The following ST6GAL2 variants were observed in gnomAD, a reference collection of about 807,000 sequenced individuals.
ST6GAL2 encodes ST6 beta-galactoside alpha-2,6-sialyltransferase 2.
In ST6GAL2, 24 loss-of-function variants were observed where a neutral mutation model predicts 37.5. The ratio of observed to expected loss-of-function variants is 0.64; its 90% confidence interval spans 0.46 to 0.90. The LOEUF (loss-of-function observed/expected upper bound fraction) is 0.90. Ranked by LOEUF, ST6GAL2 falls within the 40% of genes least tolerant of loss-of-function variation. The pLI is 0.00. For missense variants in ST6GAL2, 715 were observed against 712.7 expected (o/e 1.00, Z -0.04); for synonymous variants, 306 against 295.1 (o/e 1.04, Z -0.38).
chr2:106,836,269 T>C (rs1196210591), intron 2 of ST6GAL2, among the ~76,000 whole-genome samples: 5 of 152,182 alleles, frequency 3.3e-5, no homozygotes, highest in African/African-American at 1.2e-4. Flanking sequence ...TGTTGCAATA[T>C]GTTGTTTTAT....
At chr2:106,880,516 C>T (rs1678704854) in intron 1 of ST6GAL2, among the ~76,000 whole-genome samples, 1 of 152,224 alleles carries the variant, frequency 6.6e-6, no homozygotes, top group Admixed American at 6.5e-5. Flanking sequence ...AGTAGAGGTT[C>T]TTGCATGTTG....
In ST6GAL2 at chr2:106,806,624, A is replaced by G; in HGVS notation, c.*54T>C. 1 of 1,558,580 alleles carries G rather than the reference A, an allele frequency of 6.4e-7. No individual in the cohort carries two copies. The highest frequency in any genetic ancestry group is 1.2e-5 in the South Asian group (1 of 84,014). On this transcript the variant is annotated 3_prime_UTR_variant, in exon 6 of 6. Transcript: ENST00000409382. The stretch of plus-strand genomic sequence containing the variant: ...ATCTATCTTCAAGTATTCTTTTGTG[A>G]CTTTGAGTACAACAGTAGTACCTTA...
In ST6GAL2 at chr2:106,806,887, G is replaced by C; in HGVS notation, c.1381C>G (p.Arg461Gly). 3 of 1,614,114 alleles carry C rather than the reference G, an allele frequency of 1.9e-6. No homozygotes were observed. The highest frequency in any genetic ancestry group is 2.2e-5 in the South Asian group (2 of 91,068). ...TGGTAGTGGCACAGCTCCGTCTGCC[G>C]CACGGATGGGATATATTCATACACG... ...VHVYEYIPSV[R>G]QTELCHYHEL... Residue 461 changes from arginine to glycine, a missense_variant, in exon 6 of 6, where the codon CGG (arginine) becomes GGG (glycine). Arg to Gly is a moderately radical substitution (Grantham distance 125). Transcript: ENST00000409382.
At chr2:106,878,664 A>G (rs1678609678) in intron 1 of ST6GAL2, among the ~76,000 whole-genome samples, 1 of 152,216 alleles carries the variant, frequency 6.6e-6, no homozygotes, top group Admixed American at 6.5e-5. Context: ...ATTAGGTACT[A>G]TAAGTAACCT....
intron 5 of ST6GAL2, among the ~76,000 whole-genome samples, chr2:106,815,779 C>T (rs1032351608): frequency 2.6e-5 from 4 of 152,176 alleles, no homozygotes; most frequent in Non-Finnish European, 4.4e-5. Context: ...AGACTTGATT[C>T]TGGTCTCTGT....
intron 2 of ST6GAL2, among the ~76,000 whole-genome samples, chr2:106,838,164 C>T (rs1337808449): frequency 6.6e-6 from 1 of 152,198 alleles, no homozygotes; most frequent in Non-Finnish European, 1.5e-5. Flanking sequence ...ACAGCAAATA[C>T]AAGGGGAAGA....
chr2:106,871,084 G>GC (rs1292076840), intron 1 of ST6GAL2, among the ~76,000 whole-genome samples: 3 of 152,150 alleles, frequency 2.0e-5, no homozygotes, highest in African/African-American at 7.2e-5. Context: ...ATGTGGTATG[G>GC]CCTATTGCTT....
rs141806277 is a variant in ST6GAL2 at position 106,809,024 on chromosome 2, C to A, written c.1319-2075G>T. On this transcript the variant is annotated intron_variant, in intron 5 of 5. Transcript: ENST00000409382. ...TCTGTCTCAAAACAAAACAAAACAA[C>A]CCACAAAAAAACCTTAAACAAACAA... 2.6e-5 allele frequency among the ~76,000 whole-genome samples: 4 copies of A among 152,214 alleles called. No homozygotes were observed. In the East Asian group the frequency reaches 7.8e-4, roughly 30 times the overall value.
intron 5 of ST6GAL2, among the ~76,000 whole-genome samples, chr2:106,823,388 G>T (rs894191050): frequency 2.0e-5 from 3 of 147,948 alleles, no homozygotes; most frequent in Non-Finnish European, 4.5e-5. Context: ...AACAGAAGTT[G>T]TTTCTATACT....
intron 1 of ST6GAL2, among the ~76,000 whole-genome samples, chr2:106,871,691 T>C (rs1219471926): frequency 6.6e-6 from 1 of 152,192 alleles, no homozygotes; most frequent in Non-Finnish European, 1.5e-5. Flanking sequence ...AGGGTCATGG[T>C]CATCAACATC....
At chr2:106,832,285 G>T (rs1180936453) in intron 4 of ST6GAL2, among the ~76,000 whole-genome samples, 1 of 152,182 alleles carries the variant, frequency 6.6e-6, no homozygotes, top group Non-Finnish European at 1.5e-5. Flanking sequence ...ACCCTTTAGT[G>T]TAACTAGAAA....
chr2:106,887,138 C>G (rs567811858), upstream of ST6GAL2: 1 of 152,396 alleles, frequency 6.6e-6, no homozygotes, highest in Non-Finnish European at 1.5e-5. Context: ...TCCAACACCT[C>G]CCCCCGCCAG....
intron 1 of ST6GAL2, among the ~76,000 whole-genome samples, chr2:106,880,446 A>G (rs923104431): frequency 6.6e-6 from 1 of 152,220 alleles, no homozygotes. Flanking sequence ...TGAGAAGACA[A>G]TCTCAAAAGT....
At chr2:106,823,644 G>A (rs1041651224) in intron 5 of ST6GAL2, among the ~76,000 whole-genome samples, 1 of 152,172 alleles carries the variant, frequency 6.6e-6, no homozygotes, top group African/African-American at 2.4e-5. Context: ...TTTTTGAGAG[G>A]AAGGTGTTGG....
At chr2:106,866,336 G>A (rs935550498) in intron 1 of ST6GAL2, among the ~76,000 whole-genome samples, 2 of 152,194 alleles carry the variant, frequency 1.3e-5, no homozygotes, top group African/African-American at 4.8e-5. Flanking sequence ...TTGACTTTGT[G>A]TGCTATACCT....
At chr2:106,834,963 C>A (rs1421255592) in intron 2 of ST6GAL2, 1 of 152,174 alleles carries the variant, frequency 6.6e-6, no homozygotes, top group African/African-American at 2.4e-5. Flanking sequence ...GCTGGAAGGT[C>A]CTGGATGAAA....
intron 5 of ST6GAL2, among the ~76,000 whole-genome samples, chr2:106,821,248 A>G (rs1675991467): frequency 6.6e-6 from 1 of 151,596 alleles, no homozygotes; most frequent in Non-Finnish European, 1.5e-5. Context: ...TTAGCCAGAT[A>G]AAGATAAAAA....
rs60126380 is a variant in ST6GAL2, at chr2:106,824,689, C to T, written c.1318+5377G>A. ...TGCTGGAATATAGGATTTAATGTTACGGAATTTCAAAAGATGAAAATATAC... is the reference window on the plus strand; with the variant it reads ...TGCTGGAATATAGGATTTAATGTTATGGAATTTCAAAAGATGAAAATATAC... On this transcript the variant is annotated intron_variant, in intron 5 of 5. Transcript: ENST00000409382. Among the ~76,000 whole-genome samples, 1,420 of 152,140 alleles carry T rather than the reference C, an allele frequency of 9.3e-3. 27 individuals carry two copies. The highest frequency in any genetic ancestry group is 0.032 in the African/African-American group (1,334 of 41,488).
chr2:106,843,925 G>T lies in ST6GAL2; in HGVS notation c.53C>A (p.Ala18Asp). 1 of 1,598,990 alleles carries T rather than the reference G, an allele frequency of 6.3e-7. No individual in the cohort carries two copies. Reference protein sequence around the residue: ...WRQRMLFGIFAWGLLFLLIFI... With the variant: ...WRQRMLFGIFDWGLLFLLIFI... ...AATCAGCAAAAAGAGGAGCCCCCAAGCGAATATTCCGAAAAGCATTCGTTG... is the reference window on the plus strand; with the variant it reads ...AATCAGCAAAAAGAGGAGCCCCCAATCGAATATTCCGAAAAGCATTCGTTG... Residue 18 changes from alanine to aspartate, a missense_variant, in exon 2 of 6, where the codon GCT becomes GAT. Ala to Asp is a moderately radical substitution (Grantham distance 126). Around this residue, in one of 3 missense-constraint regions of ST6GAL2, gnomAD observed 512 missense variants for 488.8 expected, o/e 1.05. Coordinates refer to ENST00000409382, the MANE Select transcript of ST6GAL2 (RefSeq NM_001142351.2).
Sources: gnomAD v4.1 joint callset for allele counts (sites outside exome capture counted in the v4.1 genomes callset) on GRCh38, gnomAD v4.1.1 for gene constraint, gnomAD v4.1.1 regional missense constraint, MANE v1.5 for transcripts, NCBI Gene and HGNC (gene_info 2026-07-23, HGNC 2026-07-21) for gene names.